DNAJC6: variants seen among roughly 807,000 people sequenced by gnomAD.
DNAJC6 encodes the protein DnaJ heat shock protein family (Hsp40) member C6.
In DNAJC6, 34 loss-of-function variants were observed where a neutral mutation model predicts 110.0. That is an observed-to-expected ratio of 0.31 (90% CI 0.24 to 0.41). The LOEUF is 0.41. Among genes scored for constraint, DNAJC6 ranks in the 10% least tolerant of loss-of-function variants. DNAJC6 has a pLI of 1.00. For missense variants in DNAJC6, 1,031 were observed against 1,207.8 expected (o/e 0.85, Z 2.17); for synonymous variants, 406 against 437.2 (o/e 0.93, Z 0.89).
chr1:65,346,165 C>T (rs1029402794), intron 1 of DNAJC6, among the ~76,000 whole-genome samples: 1 of 152,174 alleles, frequency 6.6e-6, no homozygotes, highest in African/African-American at 2.4e-5. Context: ...TTATGCCTGG[C>T]ATGGCTTACT....
chr1:65,306,791 A>G (rs1645042699), upstream of DNAJC6, among the ~76,000 whole-genome samples: 1 of 118,906 alleles, frequency 8.4e-6, no homozygotes, highest in African/African-American at 3.1e-5. Flanking sequence ...ATTCTCATTC[A>G]AAGTTACAAA....
upstream of DNAJC6, among the ~76,000 whole-genome samples, chr1:65,306,972 T>TTCTC (rs144458447): frequency 1.4e-3 from 129 of 90,384 alleles, no homozygotes; most frequent in Non-Finnish European, 1.6e-3. Context: ...CTCAATCTGT[T>TTCTC]TCTCTCTCTC....
At chr1:65,374,710 A>G (rs998781604) in intron 4 of DNAJC6, among the ~76,000 whole-genome samples, 5 of 152,176 alleles carry the variant, frequency 3.3e-5, no homozygotes, top group Middle Eastern at 3.2e-3. Flanking sequence ...TAGCCATAAG[A>G]TCATGTTGAG....
chr1:65,322,225 C>T (rs148909323), intron 1 of DNAJC6, among the ~76,000 whole-genome samples: 1,651 of 152,198 alleles, frequency 0.011, 22 homozygotes, highest in Non-Finnish European at 0.013. Flanking sequence ...ATTAACCCCC[C>T]CAAACCTATT....
chr1:65,330,426 A>G (rs1244493325), intron 1 of DNAJC6, among the ~76,000 whole-genome samples: 1 of 152,072 alleles, frequency 6.6e-6, no homozygotes, highest in Non-Finnish European at 1.5e-5. Flanking sequence ...AAAGGCCATC[A>G]TAACAGTGGC....
intron 1 of DNAJC6, among the ~76,000 whole-genome samples, chr1:65,340,373 A>T (rs1033880666): frequency 6.6e-6 from 1 of 152,166 alleles, no homozygotes; most frequent in Non-Finnish European, 1.5e-5. Context: ...GGATGTAGCC[A>T]TTTCTGCTGC....
intron 1 of DNAJC6, among the ~76,000 whole-genome samples, chr1:65,265,449 T>A (rs1653282349): frequency 6.6e-6 from 1 of 152,194 alleles, no homozygotes; most frequent in African/African-American, 2.4e-5. Context: ...GAACTGTTTA[T>A]CTTGCAAAGA....
At chr1:65,392,372 A>G (rs1645936159) in intron 11 of DNAJC6, 59 bp from the exon 12 acceptor site, 1 of 1,464,824 alleles carries the variant, frequency 6.8e-7, no homozygotes. Context: ...ATATTATAAC[A>G]AAAACCAACA....
Position 65,413,184 on chromosome 1 carries a change from G to A in DNAJC6, c.*159G>A. On this transcript the variant is annotated 3_prime_UTR_variant, in exon 19 of 19. Transcript: ENST00000371069. ...TTAATTTCTCATTGATAAGGAATGT[G>A]GATGTTTGGTTTCTCCAAAGTTCCC... The A allele has an allele frequency of 5.0e-6, 3 of 598,738 alleles. No homozygotes were observed. The highest frequency in any genetic ancestry group is 8.5e-6 in the Non-Finnish European group (3 of 352,942). The allele number at this position is 598,738 out of a possible 1,614,324, so 37.1% of individuals were successfully genotyped here.
chr1:65,303,303 A>G (rs545023718), intron 1 of DNAJC6, among the ~76,000 whole-genome samples: 26 of 152,348 alleles, frequency 1.7e-4, no homozygotes, highest in African/African-American at 5.8e-4. Context: ...TACGTGAATA[A>G]TAAATTGACA....
At chr1:65,350,660 T>C (rs968174230) in intron 1 of DNAJC6, among the ~76,000 whole-genome samples, 1 of 152,210 alleles carries the variant, frequency 6.6e-6, no homozygotes, top group Non-Finnish European at 1.5e-5. Flanking sequence ...TTGATTTTAT[T>C]CTTTGTTAAA....
intron 1 of DNAJC6, among the ~76,000 whole-genome samples, chr1:65,347,756 T>TAC (rs961896461): frequency 7.9e-5 from 12 of 151,712 alleles, no homozygotes; most frequent in African/African-American, 2.2e-4. Context: ...CGTGCACACA[T>TAC]ACACACACAC....
intron 8 of DNAJC6, among the ~76,000 whole-genome samples, chr1:65,387,298 A>T (rs1243377347): frequency 6.6e-6 from 1 of 152,246 alleles, no homozygotes; most frequent in Non-Finnish European, 1.5e-5. Context: ...AATTTTAAAA[A>T]ATTGAGATAA....
chr1:65,334,776 G>A (rs1461119747), intron 1 of DNAJC6, among the ~76,000 whole-genome samples: 1 of 152,124 alleles, frequency 6.6e-6, no homozygotes, highest in East Asian at 1.9e-4. Context: ...AGGAAACAAG[G>A]TGACTCTCAG....
chr1:65,300,886 A>C (rs1644972602), intron 1 of DNAJC6, among the ~76,000 whole-genome samples: 1 of 152,104 alleles, frequency 6.6e-6, no homozygotes, highest in Admixed American at 6.6e-5. Context: ...ATTTGCCCCA[A>C]GTTCTACATC....
At chr1:65,370,159 A>G (rs1216154022) in intron 4 of DNAJC6, among the ~76,000 whole-genome samples, 3 of 152,172 alleles carry the variant, frequency 2.0e-5, no homozygotes, top group African/African-American at 7.2e-5. Flanking sequence ...GTTAAACCAG[A>G]TGTTCATAAT....
At chr1:65,304,244 A>G (rs1487717927) in intron 1 of DNAJC6, among the ~76,000 whole-genome samples, 1 of 151,972 alleles carries the variant, frequency 6.6e-6, no homozygotes, top group East Asian at 1.9e-4. Context: ...TTTCTGGAAG[A>G]CCCAGAACCC....
At chr1:65,396,958 T>G (rs1406169375) in intron 13 of DNAJC6, among the ~76,000 whole-genome samples, 2 of 152,204 alleles carry the variant, frequency 1.3e-5, no homozygotes, top group Non-Finnish European at 2.9e-5. Context: ...ATTATTGTTT[T>G]AATAAGAGTA....
Position 65,413,057 on chromosome 1 carries a change from T to G in DNAJC6, c.*32T>G. On this transcript the variant is annotated 3_prime_UTR_variant, in exon 19 of 19. Transcript: ENST00000371069. ...AGCTTTTCCATCTCTGCTGCAGACC[T>G]GTGCTAATGCTTAGTGTGTGTCACA... is the stretch of plus-strand genomic sequence containing the variant. The G allele has an allele frequency of 1.3e-6, 2 of 1,586,796 alleles. No homozygotes were observed. The highest frequency in any genetic ancestry group is 1.7e-6 in the Non-Finnish European group (2 of 1,156,716).
Sources: gnomAD v4.1 joint callset for allele counts (sites outside exome capture counted in the v4.1 genomes callset) on GRCh38, gnomAD v4.1.1 for gene constraint, MANE v1.5 for transcripts, NCBI Gene and HGNC (gene_info 2026-07-23, HGNC 2026-07-21) for gene names.